The following DCBLD2 variants were observed in gnomAD, a reference collection of about 807,000 sequenced individuals.
The protein encoded by DCBLD2 is discoidin, CUB and LCCL domain-containing protein 2.
DCBLD2 carries 54 observed loss-of-function variants against 86.8 expected under a neutral mutation model. That is an observed-to-expected ratio of 0.62 (90% CI 0.50 to 0.78). The LOEUF is 0.78. DCBLD2 is among the 30% of genes least tolerant of loss of function. The pLI, the probability that DCBLD2 is intolerant of heterozygous loss-of-function variation, is 0.00. For synonymous variants in DCBLD2, 354 were observed against 341.3 expected, an observed-to-expected ratio of 1.04 and a Z score of -0.41; for missense variants, 908 against 954.2, an observed-to-expected ratio of 0.95 and a Z score of 0.64.
chr3:98,837,238 GCAGGGGGCCGACCCCCCCAC>G (rs1942483758), intron 3 of DCBLD2, among the ~76,000 whole-genome samples: 1 of 5,270 alleles, frequency 1.9e-4, no homozygotes, highest in African/African-American at 3.3e-4. Context: ...GGCTGGCCGG[GCAGGGGGCCGACCCCCCCAC>G]CTCCCTCCCG....
At chr3:98,899,260 C>CTTT (rs10605926) in intron 1 of DCBLD2, among the ~76,000 whole-genome samples, 1 of 101,744 alleles carries the variant, frequency 9.8e-6, no homozygotes, top group South Asian at 3.6e-4. Context: ...ATTTCTTTTT[C>CTTT]TTTTTTTTTT....
At chr3:98,879,960 T>C (rs192651485) in intron 2 of DCBLD2, among the ~76,000 whole-genome samples, 172 of 152,360 alleles carry the variant, frequency 1.1e-3, no homozygotes, top group Non-Finnish European at 1.9e-3. Flanking sequence ...GGTGGTACTG[T>C]CTGCTCCCTA....
intron 1 of DCBLD2, among the ~76,000 whole-genome samples, chr3:98,886,764 T>C (rs1943569261): frequency 1.3e-5 from 2 of 150,394 alleles, no homozygotes; most frequent in South Asian, 4.2e-4. Context: ...TCAGATGTGT[T>C]AAGCCAGATA....
chr3:98,839,211 C>CCTTCT, intron 3 of DCBLD2, among the ~76,000 whole-genome samples: 1 of 148,536 alleles, frequency 6.7e-6, no homozygotes, highest in South Asian at 2.1e-4. Context: ...TTCCTTCTTT[C>CCTTCT]TTTCCTTCTT....
At chr3:98,819,142 A>C in intron 8 of DCBLD2, 60 bp downstream of exon 8, 2 of 1,431,318 alleles carry the variant, frequency 1.4e-6, no homozygotes, top group Non-Finnish European at 1.9e-6. Context: ...CTTAGATGTT[A>C]CTAGTTTTTC....
intron 1 of DCBLD2, among the ~76,000 whole-genome samples, chr3:98,891,566 G>C (rs1943662531): frequency 6.6e-6 from 1 of 152,004 alleles, no homozygotes; most frequent in South Asian, 2.1e-4. Flanking sequence ...CCCTTATTTA[G>C]AAATCCTTTA....
chr3:98,847,047 C>T (rs963462716), intron 3 of DCBLD2, among the ~76,000 whole-genome samples: 6 of 152,166 alleles, frequency 3.9e-5, no homozygotes, highest in Admixed American at 2.6e-4. Flanking sequence ...CAACCCAAGA[C>T]TTTCAATAAG....
intron 13 of DCBLD2, 33 bp from the exon 14 acceptor site, chr3:98,801,682 G>C (rs1941722399): frequency 1.3e-6 from 2 of 1,562,234 alleles, no homozygotes; most frequent in Non-Finnish European, 1.7e-6. Context: ...TTAGCAAACA[G>C]AGTAAATTCA....
chr3:98,813,626 A>C (rs1485322862), intron 9 of DCBLD2: 2 of 152,134 alleles, frequency 1.3e-5, no homozygotes, highest in Non-Finnish European at 2.9e-5. Context: ...GACCTCCCCC[A>C]AAATGCTGGA....
chr3:98,900,810 C>A, intron 1 of DCBLD2: 1 of 425,018 alleles, frequency 2.4e-6, no homozygotes, highest in Non-Finnish European at 4.4e-6. Flanking sequence ...GTCATTACCT[C>A]CAAAGGTTCT....
intron 2 of DCBLD2, among the ~76,000 whole-genome samples, chr3:98,866,917 T>C (rs988026894): frequency 5.3e-5 from 8 of 152,342 alleles, no homozygotes; most frequent in East Asian, 3.9e-4. Context: ...TTTCAGCTTT[T>C]TACATATGGC....
intron 2 of DCBLD2, among the ~76,000 whole-genome samples, chr3:98,873,314 A>T (rs533802053): frequency 1.3e-5 from 2 of 152,234 alleles, no homozygotes; most frequent in South Asian, 4.1e-4. Flanking sequence ...GAAACAGCAA[A>T]ATAAAGACAG....
chr3:98,900,953 G>A (rs560996284), intron 1 of DCBLD2, 169 bp downstream of exon 1: 4 of 1,193,606 alleles, frequency 3.4e-6, no homozygotes, highest in South Asian at 1.6e-5. Flanking sequence ...GGGGACAGAC[G>A]GGCAAGACCT....
chr3:98,862,152 A>G (rs1943056055), intron 2 of DCBLD2, among the ~76,000 whole-genome samples: 1 of 152,162 alleles, frequency 6.6e-6, no homozygotes, highest in Non-Finnish European at 1.5e-5. Flanking sequence ...GGACATGCAC[A>G]CCCTCCCAAG....
At chr3:98,845,341 A>G (rs1488457630) in intron 3 of DCBLD2, among the ~76,000 whole-genome samples, 2 of 152,204 alleles carry the variant, frequency 1.3e-5, no homozygotes, top group Non-Finnish European at 2.9e-5. Context: ...GCTTTACCCA[A>G]GAGGGCTTCC....
chr3:98,800,853 C>CAT, intron 14 of DCBLD2, 137 bp from the exon 15 acceptor site: 2 of 842,556 alleles, frequency 2.4e-6, no homozygotes, highest in Non-Finnish European at 3.5e-6. Context: ...TATAATCCAA[C>CAT]TTTTTTTTTT....
At chr3:98,860,038 T>G (rs892265348) in intron 2 of DCBLD2, among the ~76,000 whole-genome samples, 4 of 152,190 alleles carry the variant, frequency 2.6e-5, no homozygotes, top group Non-Finnish European at 5.9e-5. Flanking sequence ...AATGACCTGA[T>G]AGAGCTGAAA....
intron 1 of DCBLD2, 168 bp downstream of exon 1, chr3:98,900,954 G>A (rs1031215945): frequency 5.7e-6 from 7 of 1,221,290 alleles, no homozygotes; most frequent in African/African-American, 3.1e-5. Context: ...GGGACAGACG[G>A]GCAAGACCTT....
chr3:98,802,456 C>T (rs561103209), intron 13 of DCBLD2, among the ~76,000 whole-genome samples: 414 of 151,948 alleles, frequency 2.7e-3, no homozygotes, highest in Middle Eastern at 0.027. Flanking sequence ...GGATATTAGC[C>T]CTTTGTCAGA....
Sources: allele counts gnomAD v4.1 joint callset (sites outside exome capture counted in the v4.1 genomes callset), GRCh38; gene constraint gnomAD v4.1.1; transcripts MANE v1.5; gene names NCBI Gene and HGNC (gene_info 2026-07-23, HGNC 2026-07-21).